The following SCARB1 variants were observed in gnomAD, a reference collection of about 807,000 sequenced individuals.
SCARB1 encodes the protein CD36 and LIMPII analogous 1.
Under a neutral mutation model 57.2 loss-of-function variants are expected in SCARB1, and 30 were observed. The observed-to-expected ratio is 0.52, with a 90% CI of 0.39 to 0.71. The LOEUF (loss-of-function observed/expected upper bound fraction) is 0.71, where lower values mean the gene tolerates loss of function less well. SCARB1 is among the 30% of genes least tolerant of loss of function. The pLI, the probability that SCARB1 is intolerant of heterozygous loss-of-function variation, is 0.00. For synonymous variants in SCARB1, 249 were observed against 268.3 expected (o/e 0.93, Z 0.70); for missense variants, 543 against 671.2 (o/e 0.81, Z 2.11).
intron 1 of SCARB1, among the ~76,000 whole-genome samples, chr12:124,840,560 T>C (rs1046618604): frequency 6.6e-6 from 1 of 152,130 alleles, no homozygotes; most frequent in African/African-American, 2.4e-5. Context: ...TCGCTTGATT[T>C]TAGGACCAGA....
chr12:124,836,820 G>C (rs1415884903), intron 1 of SCARB1, among the ~76,000 whole-genome samples: 4 of 152,126 alleles, frequency 2.6e-5, no homozygotes, highest in Non-Finnish European at 4.4e-5. Context: ...AAATAAAATA[G>C]AATAAAGCTA....
Position 124,817,729 on chromosome 12 carries a change from C to T in SCARB1, c.127-22G>A, listed in dbSNP as rs200721651. 2.0e-4 allele frequency: 316 copies of T among 1,613,716 alleles called. 10 individuals carry two copies. Among genetic ancestry groups the T allele is most frequent in the Middle Eastern group, 3.3e-4 (2 of 6,060 alleles). ...CGTTCTGCAGGGGAAGGGACAAGTA[C>T]GCTTGTGAGGAGAGTGATGAGGGCC... On this transcript the variant is annotated intron_variant, in intron 1 of 12. Coordinates refer to ENST00000261693, the MANE Select transcript of SCARB1 (RefSeq NM_005505.5). This position sits in a 1 kb window ranked among gnomAD's most constrained non-coding sequence, Gnocchi z 4.8.
At chr12:124,804,217 G>A (rs1419761565) in intron 7 of SCARB1, among the ~76,000 whole-genome samples, 2 of 152,228 alleles carry the variant, frequency 1.3e-5, no homozygotes, top group African/African-American at 2.4e-5. Context: ...AGACCAATTA[G>A]AGCAAACCCT....
Position 124,822,051 on chromosome 12 carries a change from T to C in SCARB1, c.127-4344A>G, listed in dbSNP as rs1260464939. Among the ~76,000 whole-genome samples the C allele has an allele frequency of 1.3e-5, 2 of 152,014 alleles. No homozygotes were observed. Among genetic ancestry groups the C allele is most frequent in the African/African-American group, 4.8e-5 (2 of 41,394 alleles). ...CGCCACTCCCTCCCATCTGGCGAAATAGACCCTTTGAGCCCAGGAAGGCTG... is the reference window on the plus strand; with the variant it reads ...CGCCACTCCCTCCCATCTGGCGAAACAGACCCTTTGAGCCCAGGAAGGCTG... On this transcript the variant is annotated intron_variant, in intron 1 of 12. Transcript: ENST00000261693. The surrounding 1 kb of genome is among the most constrained non-coding windows in gnomAD (Gnocchi z 5.0).
chr12:124,843,290 TGG>T (rs56148562), intron 1 of SCARB1, among the ~76,000 whole-genome samples: 1 of 103,560 alleles, frequency 9.7e-6, no homozygotes, highest in Non-Finnish European at 2.1e-5. Context: ...TCTGTGGAGA[TGG>T]GGGGGGGGGT....
At chr12:124,824,009 A>G (rs576633251) in intron 1 of SCARB1, among the ~76,000 whole-genome samples, 1 of 149,694 alleles carries the variant, frequency 6.7e-6, no homozygotes, top group Non-Finnish European at 1.5e-5. Flanking sequence ...TATTAAAAAA[A>G]AAATATATAC....
chr12:124,830,851 C>T (rs769512399), intron 1 of SCARB1, among the ~76,000 whole-genome samples: 8 of 152,176 alleles, frequency 5.3e-5, no homozygotes, highest in Non-Finnish European at 1.2e-4. Flanking sequence ...CTCACTCTGT[C>T]GCCCAGGCTG....
chr12:124,834,916 A>G (rs982432949), intron 1 of SCARB1, among the ~76,000 whole-genome samples: 4 of 152,092 alleles, frequency 2.6e-5, no homozygotes, highest in East Asian at 3.9e-4. Context: ...CACCCCCCCA[A>G]AAAAAAGGCG....
Position 124,800,681 on chromosome 12 carries a change from C to T in SCARB1, c.1010-439G>A, listed in dbSNP as rs1018335748. On this transcript the variant is annotated intron_variant, in intron 7 of 12. Transcript: ENST00000261693. This position sits in a 1 kb window ranked among gnomAD's most constrained non-coding sequence, Gnocchi z 4.8. Reference sequence around the variant, plus strand: ...GGAGTCTCAAGCGCAAGCCAAGCAGCCCACACTGTCCCCTGCAGGACACGC... The same window carrying T: ...GGAGTCTCAAGCGCAAGCCAAGCAGTCCACACTGTCCCCTGCAGGACACGC... Among the ~76,000 whole-genome samples, 5 of 152,182 alleles carry T rather than the reference C, an allele frequency of 3.3e-5. No individual in the cohort carries two copies. Among genetic ancestry groups the T allele is most frequent in the Non-Finnish European group, 7.4e-5 (5 of 68,024 alleles).
At chr12:124,863,039 A>G (rs1418136136) in intron 1 of SCARB1, among the ~76,000 whole-genome samples, 3 of 152,102 alleles carry the variant, frequency 2.0e-5, no homozygotes, top group Non-Finnish European at 4.4e-5. Flanking sequence ...CCTCTGGGAG[A>G]GGGTTCCTAT....
chr12:124,848,121 T>G (rs1328281476), intron 1 of SCARB1, among the ~76,000 whole-genome samples: 5 of 152,194 alleles, frequency 3.3e-5, no homozygotes, highest in Non-Finnish European at 7.3e-5. Context: ...ACTCACTCTG[T>G]CGCCCAGGCT....
At chr12:124,797,732 G>C (rs1220891194) in intron 8 of SCARB1, among the ~76,000 whole-genome samples, 1 of 152,234 alleles carries the variant, frequency 6.6e-6, no homozygotes. Flanking sequence ...GCTGGAGGAG[G>C]AATTAACTAA....
Position 124,778,547 on chromosome 12 carries a change from C to T in SCARB1, c.*40G>A, listed in dbSNP as rs144985120. The stretch of plus-strand genomic sequence containing the variant: ...TAGGGGCTGGGGGGCCGGTCAGGCC[C>T]AGCGGCCAGGCCTGGCTGGCTCACG... On this transcript the variant is annotated 3_prime_UTR_variant, in exon 13 of 13. Transcript: ENST00000261693. The T allele has an allele frequency of 2.0e-4, 281 of 1,382,814 alleles. No individual in the cohort carries two copies. The highest frequency in any genetic ancestry group is 2.4e-4 in the Non-Finnish European group (251 of 1,067,142). 85.7% of individuals were successfully genotyped at this position (1,382,814 alleles called of 1,614,324 possible).
At chr12:124,797,827 A>T (rs1053738706) in intron 8 of SCARB1, among the ~76,000 whole-genome samples, 2 of 152,216 alleles carry the variant, frequency 1.3e-5, no homozygotes, top group Non-Finnish European at 2.9e-5. Flanking sequence ...ACAAAGAAAA[A>T]TGGTGCAGAA....
In SCARB1 at chr12:124,817,715, G is replaced by A; in HGVS notation, c.127-8C>T. ...GGGGTCGATGCGCACGTTCTGCAGGGGAAGGGACAAGTACGCTTGTGAGGA... is the reference window on the plus strand; with the variant it reads ...GGGGTCGATGCGCACGTTCTGCAGGAGAAGGGACAAGTACGCTTGTGAGGA... On this transcript the variant is annotated splice_region_variant and splice_polypyrimidine_tract_variant and intron_variant, in intron 1 of 12. Coordinates refer to ENST00000261693, the MANE Select transcript of SCARB1 (RefSeq NM_005505.5). This position sits in a 1 kb window ranked among gnomAD's most constrained non-coding sequence, Gnocchi z 4.8. 3.7e-6 allele frequency: 6 copies of A among 1,614,126 alleles called. No homozygotes were observed. Among genetic ancestry groups the A allele is most frequent in the Non-Finnish European group, 5.1e-6 (6 of 1,180,004 alleles).
At chr12:124,861,201 G>A (rs1013456386) in intron 1 of SCARB1, among the ~76,000 whole-genome samples, 33 of 152,072 alleles carry the variant, frequency 2.2e-4, no homozygotes, top group African/African-American at 5.6e-4. Context: ...TCAAGTCCCC[G>A]ACATAAAATG....
At chr12:124,846,561 C>G (rs1952160966) in intron 1 of SCARB1, among the ~76,000 whole-genome samples, 1 of 151,832 alleles carries the variant, frequency 6.6e-6, no homozygotes, top group Admixed American at 6.6e-5. Flanking sequence ...CCATCCTGGC[C>G]AACATAGTGA....
At chr12:124,828,623 C>T (rs1312438556) in intron 1 of SCARB1, among the ~76,000 whole-genome samples, 1 of 152,220 alleles carries the variant, frequency 6.6e-6, no homozygotes, top group African/African-American at 2.4e-5. Context: ...ACTGAGGCTC[C>T]AAAGCCAAAT....
intron 1 of SCARB1, among the ~76,000 whole-genome samples, chr12:124,833,274 C>T (rs1299617484): frequency 1.3e-5 from 2 of 151,476 alleles, no homozygotes; most frequent in South Asian, 2.1e-4. Flanking sequence ...ACTGCAGCCT[C>T]GAACTCCCGG....
Sources: allele counts gnomAD v4.1 joint callset (sites outside exome capture counted in the v4.1 genomes callset), GRCh38; gene constraint gnomAD v4.1.1; non-coding constraint Gnocchi (gnomAD v3.1); transcripts MANE v1.5; gene names NCBI Gene and HGNC (gene_info 2026-07-23, HGNC 2026-07-21).